NEGR1: variants seen among roughly 807,000 people sequenced by gnomAD.
The protein encoded by NEGR1 is neuronal growth regulator 1.
A neutral mutation model predicts 40.9 loss-of-function variants in NEGR1; 10 were observed. The ratio of observed to expected loss-of-function variants is 0.24; its 90% confidence interval spans 0.15 to 0.42. The LOEUF is 0.42. Among genes scored for constraint, NEGR1 ranks in the 10% least tolerant of loss-of-function variants. The pLI is 1.00. For missense variants in NEGR1, 352 were observed against 438.9 expected (o/e 0.80, Z 1.77); for synonymous variants, 185 against 166.8 (o/e 1.11, Z -0.84).
intron 4 of NEGR1, among the ~76,000 whole-genome samples, chr1:71,656,621 C>T (rs1310435322): frequency 3.3e-5 from 5 of 152,222 alleles, no homozygotes; most frequent in Middle Eastern, 3.4e-3. Flanking sequence ...ACCGTGGTCT[C>T]GATCTCCTGA....
At chr1:71,644,661 T>G (rs188940487) in intron 4 of NEGR1, among the ~76,000 whole-genome samples, 3 of 152,062 alleles carry the variant, frequency 2.0e-5, no homozygotes, top group African/African-American at 7.2e-5. Context: ...ATGCTTCAAT[T>G]TCTGTGTATT....
chr1:71,592,917 G>A lies in NEGR1; in HGVS notation c.840C>T (p.Ser280=), dbSNP rs777407838. 1 of 1,611,810 alleles carries A rather than the reference G, an allele frequency of 6.2e-7. No individual in the cohort carries two copies. The highest frequency in any genetic ancestry group is 1.1e-5 in the South Asian group (1 of 90,982). The change falls in exon 6 of 7, where the codon TCC becomes TCT. Residue 280 remains serine, a synonymous_variant. Coordinates refer to ENST00000357731, the MANE Select transcript of NEGR1 (RefSeq NM_173808.3). ...GIIIQNFSTR[S]ILTVTNVTQE... The stretch of plus-strand genomic sequence containing the variant: ...GTGTCACGTTGGTAACAGTGAGAAT[G>A]GATCTTGTGCTAAAATTTTGAATAA...
chr1:72,078,638 T>TA (rs397980488), intron 1 of NEGR1, among the ~76,000 whole-genome samples: 2,344 of 136,932 alleles, frequency 0.017, 42 homozygotes, highest in African/African-American at 0.056. Flanking sequence ...TATATATATA[T>TA]TTATTTATTT....
chr1:72,236,663 T>A (rs1033336099), intron 1 of NEGR1, among the ~76,000 whole-genome samples: 2 of 152,004 alleles, frequency 1.3e-5, no homozygotes, highest in Non-Finnish European at 2.9e-5. Context: ...AAAAGAGGAA[T>A]AACTGGAATA....
intron 4 of NEGR1, among the ~76,000 whole-genome samples, chr1:71,647,183 C>T (rs1017278107): frequency 6.6e-6 from 1 of 151,784 alleles, no homozygotes; most frequent in African/African-American, 2.4e-5. Flanking sequence ...TTTATTCAGC[C>T]CTGAGCCTAA....
At chr1:71,830,472 G>A (rs1178459623) in intron 2 of NEGR1, among the ~76,000 whole-genome samples, 8 of 151,624 alleles carry the variant, frequency 5.3e-5, no homozygotes, top group Non-Finnish European at 1.2e-4. Flanking sequence ...AAAAAAATAG[G>A]CCGTGCGTCA....
intron 1 of NEGR1, among the ~76,000 whole-genome samples, chr1:71,985,383 A>G (rs1465356583): frequency 6.6e-6 from 1 of 152,166 alleles, no homozygotes; most frequent in African/African-American, 2.4e-5. Flanking sequence ...ATATGTTCAA[A>G]TCACTGTGGT....
chr1:72,111,041 A>T (rs1649344971), intron 1 of NEGR1, among the ~76,000 whole-genome samples: 1 of 150,926 alleles, frequency 6.6e-6, no homozygotes. Flanking sequence ...AGAAAAAGGT[A>T]ATTACACTAA....
At chr1:71,741,896 G>A (rs1276458878) in intron 3 of NEGR1, among the ~76,000 whole-genome samples, 1 of 152,102 alleles carries the variant, frequency 6.6e-6, no homozygotes, top group Non-Finnish European at 1.5e-5. Context: ...GATCTCATGA[G>A]AAGTCACTCA....
intron 4 of NEGR1, among the ~76,000 whole-genome samples, chr1:71,651,470 G>T (rs1387779124): frequency 2.6e-5 from 4 of 152,112 alleles, no homozygotes; most frequent in Non-Finnish European, 4.4e-5. Context: ...ATTATATTGA[G>T]TTACTGCTCA....
At chr1:72,194,287 C>G (rs1289226097) in intron 1 of NEGR1, among the ~76,000 whole-genome samples, 1 of 151,702 alleles carries the variant, frequency 6.6e-6, no homozygotes, top group Non-Finnish European at 1.5e-5. Context: ...TGCAAGTATA[C>G]TTTGTATAAG....
intron 1 of NEGR1, among the ~76,000 whole-genome samples, chr1:72,092,462 GAAGGA>G (rs760939232): frequency 2.4e-4 from 37 of 151,988 alleles, no homozygotes; most frequent in Admixed American, 1.3e-3. Context: ...TTTTTTTCTG[GAAGGA>G]AACATGCCTT....
At chr1:71,814,958 T>C (rs188625912) in intron 2 of NEGR1, among the ~76,000 whole-genome samples, 55 of 152,254 alleles carry the variant, frequency 3.6e-4, no homozygotes, top group African/African-American at 1.3e-3. Context: ...CTTTGAAGTT[T>C]GTTTGCTCTT....
chr1:71,773,003 C>T (rs1656380331), intron 3 of NEGR1, among the ~76,000 whole-genome samples: 1 of 152,064 alleles, frequency 6.6e-6, no homozygotes, highest in African/African-American at 2.4e-5. Context: ...AGGAAGCTCA[C>T]ATATCCAGAA....
At chr1:72,153,610 G>A (rs1362156710) in intron 1 of NEGR1, among the ~76,000 whole-genome samples, 3 of 151,850 alleles carry the variant, frequency 2.0e-5, no homozygotes, top group African/African-American at 7.2e-5. Context: ...TAAATAATAT[G>A]TATCTATTAT....
At position 71,628,703 on chromosome 1, in the gene NEGR1, T is replaced by C. The variant is rs184368678; in HGVS notation, c.668-17557A>G. Among the ~76,000 whole-genome samples, 95 of 152,060 alleles carry C rather than the reference T, an allele frequency of 6.2e-4. 1 individual carries two copies. The East Asian group carries it at 0.016, about 26-fold the overall frequency. On this transcript the variant is annotated intron_variant, in intron 4 of 6. Transcript: ENST00000357731. ...TCCTGTATTAGTTTGCTGAGAATGA[T>C]GGTTTCCAGCTTCATCCCTGTCCCT...
chr1:71,826,448 C>T (rs371429111), intron 2 of NEGR1, among the ~76,000 whole-genome samples: 1 of 151,816 alleles, frequency 6.6e-6, no homozygotes, highest in African/African-American at 2.4e-5. Flanking sequence ...TCTGGCTTTG[C>T]ATTTTGTTTG....
At chr1:71,840,229 T>G (rs1457085833) in intron 2 of NEGR1, among the ~76,000 whole-genome samples, 2 of 152,118 alleles carry the variant, frequency 1.3e-5, no homozygotes, top group Non-Finnish European at 2.9e-5. Flanking sequence ...TTATGAACAG[T>G]GAGCAAAATA....
chr1:72,219,968 T>C (rs1653955756), intron 1 of NEGR1, among the ~76,000 whole-genome samples: 1 of 152,198 alleles, frequency 6.6e-6, no homozygotes, highest in Middle Eastern at 3.4e-3. Flanking sequence ...TTTCTTCAGG[T>C]AAGATCTACC....
Sources: gnomAD v4.1 joint callset for allele counts (sites outside exome capture counted in the v4.1 genomes callset) on GRCh38, gnomAD v4.1.1 for gene constraint, MANE v1.5 for transcripts, NCBI Gene and HGNC (gene_info 2026-07-23, HGNC 2026-07-21) for gene names.